Variants in PLCB4 observed in about 807,000 individuals in gnomAD.
PLCB4 encodes the protein phospholipase C beta 4.
PLCB4 carries 77 observed loss-of-function variants against 178.8 expected under a neutral mutation model. The ratio of observed to expected loss-of-function variants is 0.43; its 90% CI spans 0.36 to 0.52. The LOEUF is 0.52. Among genes scored for constraint, PLCB4 ranks in the 20% least tolerant of loss-of-function variants. The pLI is 0.00. For synonymous variants in PLCB4, 496 were observed against 490.8 expected, an observed-to-expected ratio of 1.01 and a Z score of -0.14; for missense variants, 1,024 against 1,453.4, an observed-to-expected ratio of 0.70 and a Z score of 4.80.
intron 4 of PLCB4, among the ~76,000 whole-genome samples, chr20:9,331,527 G>A (rs1363854542): frequency 6.6e-6 from 1 of 152,192 alleles, no homozygotes; most frequent in African/African-American, 2.4e-5. Context: ...CCACTTAGCT[G>A]TATCCCCATC....
intron 2 of PLCB4, among the ~76,000 whole-genome samples, chr20:9,144,313 A>G (rs1315783148): frequency 6.6e-6 from 1 of 152,066 alleles, no homozygotes; most frequent in Non-Finnish European, 1.5e-5. Context: ...ACTAATGGCT[A>G]GGTTCTTGCT....
chr20:9,442,503 G>T (rs756076616), intron 30 of PLCB4, among the ~76,000 whole-genome samples: 45 of 148,624 alleles, frequency 3.0e-4, no homozygotes, highest in Non-Finnish European at 5.5e-4. Context: ...TTTTAATCAA[G>T]ACTTAGTTGA....
At chr20:9,282,651 T>C (rs1253929670) in intron 3 of PLCB4, among the ~76,000 whole-genome samples, 4 of 152,026 alleles carry the variant, frequency 2.6e-5, no homozygotes, top group African/African-American at 9.7e-5. Flanking sequence ...AGCAGGTATA[T>C]AGGTTAGCTT....
At chr20:9,453,154 CATGTTGGGA>C (rs1253649843) in intron 32 of PLCB4, among the ~76,000 whole-genome samples, 184 bp from the exon 33 acceptor site, 2 of 152,176 alleles carry the variant, frequency 1.3e-5, no homozygotes, top group African/African-American at 4.8e-5. Context: ...TAGAGACTCC[CATGTTGGGA>C]ATGCCCTTGG....
chr20:9,367,050 A>G (rs1015665985), intron 9 of PLCB4, among the ~76,000 whole-genome samples: 2 of 152,140 alleles, frequency 1.3e-5, no homozygotes, highest in African/African-American at 4.8e-5. Flanking sequence ...TTCCCTGCCC[A>G]GCTGCTTCAT....
intron 2 of PLCB4, among the ~76,000 whole-genome samples, chr20:9,168,301 G>C (rs1306014402): frequency 1.3e-5 from 2 of 152,142 alleles, no homozygotes; most frequent in African/African-American, 4.8e-5. Flanking sequence ...TATAGAGCAG[G>C]AGAAGGTGCT....
intron 1 of PLCB4, among the ~76,000 whole-genome samples, chr20:9,080,121 A>T (rs1256392350): frequency 6.6e-6 from 1 of 152,204 alleles, no homozygotes. Flanking sequence ...CAAGGAAGTC[A>T]ATTTAACAGA....
At chr20:9,093,380 T>A (rs1265811309) in intron 1 of PLCB4, among the ~76,000 whole-genome samples, 1 of 152,154 alleles carries the variant, frequency 6.6e-6, no homozygotes, top group Non-Finnish European at 1.5e-5. Flanking sequence ...GAAGCCTGCC[T>A]CCTGAGGCTG....
At chr20:9,251,141 G>A (rs998162720) in intron 3 of PLCB4, among the ~76,000 whole-genome samples, 1 of 152,194 alleles carries the variant, frequency 6.6e-6, no homozygotes, top group South Asian at 2.1e-4. Context: ...CAGCCATGGT[G>A]TGCAAATTGA....
At chr20:9,199,088 A>G (rs569859347) in intron 2 of PLCB4, among the ~76,000 whole-genome samples, 1 of 152,324 alleles carries the variant, frequency 6.6e-6, no homozygotes, top group South Asian at 2.1e-4. Context: ...AATATTGCCA[A>G]TGGGGACTCT....
chr20:9,185,515 GTC>G (rs1001016678), intron 2 of PLCB4, among the ~76,000 whole-genome samples: 2 of 151,948 alleles, frequency 1.3e-5, no homozygotes, highest in Non-Finnish European at 2.9e-5. Context: ...TGGATGACTG[GTC>G]TCTTCTCATC....
intron 2 of PLCB4, among the ~76,000 whole-genome samples, chr20:9,187,117 C>T (rs1329090695): frequency 1.3e-5 from 2 of 151,974 alleles, no homozygotes; most frequent in Non-Finnish European, 2.9e-5. Flanking sequence ...TTACAGGTGC[C>T]TACCAGCAGC....
chr20:9,428,983 G>A (rs1439472476), intron 28 of PLCB4, among the ~76,000 whole-genome samples: 1 of 152,156 alleles, frequency 6.6e-6, no homozygotes, highest in African/African-American at 2.4e-5. Flanking sequence ...AGCATGGCAG[G>A]GAGGAAGGGA....
Position 9,390,575 on chromosome 20 carries a change from T to C in PLCB4, c.1283T>C (p.Phe428Ser), listed in dbSNP as rs1169140634. 1.3e-6 allele frequency: 2 copies of C among 1,585,482 alleles called. No individual in the cohort carries two copies. The highest frequency in any genetic ancestry group is 1.7e-5 in the Admixed American group (1 of 59,978). ...YKMSKYCEDL[F>S]GDLLLKQALE... ...ATGTCCAAATATTGCGAAGATCTAT[T>C]TGGGGATCTCCTGTTGAAACAAGCA... The change falls in exon 17 of 40, where the codon TTT (phenylalanine) becomes TCT (serine). Residue 428 changes from phenylalanine (F) to serine (S), a missense_variant. Phe to Ser is a radical substitution (Grantham distance 155). This residue lies in a region of PLCB4 where 263 missense variants were observed against 417.4 expected (regional missense o/e 0.63). Coordinates refer to ENST00000378473, the MANE Select transcript of PLCB4 (RefSeq NM_001377142.1).
intron 2 of PLCB4, among the ~76,000 whole-genome samples, chr20:9,180,208 A>T (rs1043798605): frequency 6.3e-4 from 96 of 152,240 alleles, no homozygotes; most frequent in Admixed American, 5.5e-3. Flanking sequence ...CATAATAAAA[A>T]TTTTTCTGCC....
At chr20:9,205,599 G>C (rs776549033) in intron 2 of PLCB4, among the ~76,000 whole-genome samples, 1 of 152,160 alleles carries the variant, frequency 6.6e-6, no homozygotes, top group South Asian at 2.1e-4. Flanking sequence ...TGCAACTGAC[G>C]TTGATGTAAT....
chr20:9,271,848 G>T (rs1336782121), intron 3 of PLCB4, among the ~76,000 whole-genome samples: 1 of 151,962 alleles, frequency 6.6e-6, no homozygotes, highest in Non-Finnish European at 1.5e-5. Flanking sequence ...GTGCTTTTTG[G>T]ATTTTAGAGG....
intron 7 of PLCB4, among the ~76,000 whole-genome samples, chr20:9,343,242 C>T (rs993706024): frequency 6.6e-6 from 1 of 151,768 alleles, no homozygotes; most frequent in East Asian, 1.9e-4. Flanking sequence ...TAAGATCTGA[C>T]CATTTGGAAT....
intron 2 of PLCB4, among the ~76,000 whole-genome samples, chr20:9,122,272 G>A (rs1048223778): frequency 2.6e-5 from 4 of 152,022 alleles, no homozygotes; most frequent in Non-Finnish European, 5.9e-5. Context: ...ACTATAACTC[G>A]ATGTTATATA....
Sources: gnomAD v4.1 joint callset for allele counts (sites outside exome capture counted in the v4.1 genomes callset) on GRCh38, gnomAD v4.1.1 for gene constraint, gnomAD v4.1.1 regional missense constraint, MANE v1.5 for transcripts, NCBI Gene and HGNC (gene_info 2026-07-23, HGNC 2026-07-21) for gene names.